ERG: variants seen among roughly 807,000 people sequenced by gnomAD.
The protein encoded by ERG is transcriptional regulator ERG.
A neutral mutation model predicts 55.3 loss-of-function variants in ERG; 9 were observed. That is an observed-to-expected ratio of 0.16 (90% confidence interval 0.10 to 0.28). The LOEUF is 0.28. Among genes scored for constraint, ERG ranks in the 10% least tolerant of loss-of-function variants. The pLI is 1.00. For missense variants in ERG, 434 were observed against 631.6 expected, an observed-to-expected ratio of 0.69 and a Z score of 3.35; for synonymous variants, 223 against 237.3, an observed-to-expected ratio of 0.94 and a Z score of 0.55.
Position 38,429,563 on chromosome 21 carries a change from A to G in ERG, c.237-6002T>C, listed in dbSNP as rs867060182. On this transcript the variant is annotated intron_variant, in intron 2 of 9. Transcript: ENST00000288319. ...TATACATATGTGTATATGTACATGTATACACATGTACATATATACATATGT... is the reference window on the plus strand; with the variant it reads ...TATACATATGTGTATATGTACATGTGTACACATGTACATATATACATATGT... Among the ~76,000 whole-genome samples, 311 of 111,690 alleles carry G rather than the reference A, an allele frequency of 2.8e-3. 111 individuals carry two copies. Among genetic ancestry groups the G allele is most frequent in the African/African-American group, 9.7e-3 (301 of 31,120 alleles). 73.3% of individuals were successfully genotyped at this position (111,690 alleles called of 152,430 possible).
At chr21:38,468,912 G>A (rs2059113903) in intron 1 of ERG, among the ~76,000 whole-genome samples, 1 of 149,472 alleles carries the variant, frequency 6.7e-6, no homozygotes, top group South Asian at 2.1e-4. Context: ...GTGAACCCGG[G>A]AGGCGGAGCT....
intron 3 of ERG, among the ~76,000 whole-genome samples, chr21:38,412,849 C>G (rs1989121701): frequency 6.6e-6 from 1 of 152,154 alleles, no homozygotes; most frequent in African/African-American, 2.4e-5. Context: ...GCAGAGTCAT[C>G]TTTAGCGGGT....
chr21:38,553,888 CAG>C (rs2059840857), intron 2 of ERG, among the ~76,000 whole-genome samples: 2 of 43,052 alleles, frequency 4.6e-5, no homozygotes, highest in African/African-American at 9.9e-5. Flanking sequence ...ATAGAGTATA[CAG>C]ACAATGTACA....
At chr21:38,469,446 G>A (rs1461447775) in intron 1 of ERG, among the ~76,000 whole-genome samples, 1 of 152,160 alleles carries the variant, frequency 6.6e-6, no homozygotes, top group African/African-American at 2.4e-5. Flanking sequence ...ACCATCACAT[G>A]GGCTGGGCTC....
At chr21:38,653,095 G>C (rs1208934146) in intron 1 of ERG, among the ~76,000 whole-genome samples, 1 of 152,052 alleles carries the variant, frequency 6.6e-6, no homozygotes, top group African/African-American at 2.4e-5. Context: ...CTCCTTTCTA[G>C]ACTCTGTGGT....
chr21:38,367,708 A>T, the ERG span: 2 of 489,742 alleles, frequency 4.1e-6, no homozygotes, highest in Non-Finnish European at 8.0e-6. Flanking sequence ...ATCATAGGCG[A>T]CCCATATTAG....
At chr21:38,462,734 C>T (rs1166017494) in intron 1 of ERG, among the ~76,000 whole-genome samples, 1 of 152,146 alleles carries the variant, frequency 6.6e-6, no homozygotes, top group Non-Finnish European at 1.5e-5. Flanking sequence ...TGCATCCTAA[C>T]TGACGAGTGC....
intron 1 of ERG, among the ~76,000 whole-genome samples, chr21:38,491,239 G>A (rs532750856): frequency 7.3e-5 from 11 of 150,674 alleles, no homozygotes; most frequent in South Asian, 2.1e-4. Flanking sequence ...AATAAAACCC[G>A]ATGAAACCCA....
intron 1 of ERG, among the ~76,000 whole-genome samples, chr21:38,646,107 T>C (rs768666985): frequency 6.6e-6 from 1 of 151,960 alleles, no homozygotes; most frequent in Non-Finnish European, 1.5e-5. Flanking sequence ...GACGAAACCC[T>C]GTCTCTACTA....
In ERG at chr21:38,594,275, T is replaced by A. The variant is rs868711378; in HGVS notation, c.-149-9330A>T. Among the ~76,000 whole-genome samples, 81 of 152,154 alleles carry A rather than the reference T, an allele frequency of 5.3e-4. 1 individual carries two copies. The highest frequency in any genetic ancestry group is 1.9e-3 in the African/African-American group (77 of 41,444). On this transcript the variant is annotated intron_variant, in intron 1 of 10. Coordinates refer to the ERG transcript ENST00000398910. ...TGGACACAATTGGGAAATAAAAATT[T>A]AAAAATCATCCTTCATATTTAAAAT... is the stretch of plus-strand genomic sequence containing the variant.
At chr21:38,464,279 A>C (rs1340006724) in intron 1 of ERG, among the ~76,000 whole-genome samples, 1 of 152,134 alleles carries the variant, frequency 6.6e-6, no homozygotes, top group East Asian at 1.9e-4. Flanking sequence ...CCTGGGGAAT[A>C]GGTCATATTT....
intron 2 of ERG, among the ~76,000 whole-genome samples, chr21:38,524,339 A>G (rs1183958752): frequency 6.6e-6 from 1 of 152,238 alleles, no homozygotes; most frequent in Non-Finnish European, 1.5e-5. Context: ...ACAAAGTGGC[A>G]GCAACTTGTT....
At chr21:38,410,459 T>C (rs1988991843) in intron 3 of ERG, among the ~76,000 whole-genome samples, 1 of 152,236 alleles carries the variant, frequency 6.6e-6, no homozygotes, top group Non-Finnish European at 1.5e-5. Flanking sequence ...ACATGGTTAT[T>C]ATGAAATCTA....
chr21:38,559,708 T>C (rs905337976), intron 2 of ERG, among the ~76,000 whole-genome samples: 2 of 151,948 alleles, frequency 1.3e-5, no homozygotes, highest in East Asian at 3.9e-4. Context: ...TGAGACAGAG[T>C]TTCGCTCTTG....
chr21:38,568,092 C>T (rs145388626), intron 2 of ERG, among the ~76,000 whole-genome samples: 84 of 141,238 alleles, frequency 5.9e-4, no homozygotes, highest in African/African-American at 1.9e-3. Context: ...TTAATTTTTT[C>T]CGTAAGATTT....
At chr21:38,628,296 C>T (rs962416786) in intron 1 of ERG, among the ~76,000 whole-genome samples, 2 of 152,094 alleles carry the variant, frequency 1.3e-5, no homozygotes, top group African/African-American at 4.8e-5. Context: ...TGTTTTTCTA[C>T]CCTGAATGCT....
chr21:38,369,862 T>A, the ERG span, among the ~76,000 whole-genome samples: 1 of 152,216 alleles, frequency 6.6e-6, no homozygotes, highest in South Asian at 2.1e-4. Flanking sequence ...CTAGCACCAT[T>A]TATTGAACAG....
chr21:38,621,266 G>A (rs1466742178), intron 1 of ERG, among the ~76,000 whole-genome samples: 1 of 152,168 alleles, frequency 6.6e-6, no homozygotes, highest in African/African-American at 2.4e-5. Flanking sequence ...CTTTCATGCA[G>A]CTCCACATGT....
Position 38,383,165 on chromosome 21 carries a change from G to A in ERG, c.*238C>T, listed in dbSNP as rs141858676. ...TTCTACATACACTGTCTTTTACAAGGTCAGTCCACAGATGATATGTCCATA... is the reference window on the plus strand; with the variant it reads ...TTCTACATACACTGTCTTTTACAAGATCAGTCCACAGATGATATGTCCATA... On this transcript the variant is annotated 3_prime_UTR_variant, in exon 10 of 10. Coordinates refer to ENST00000288319, the MANE Select transcript of ERG (RefSeq NM_182918.4). This position sits in a 1 kb window ranked among gnomAD's most constrained non-coding sequence, Gnocchi z 5.7. 8.1e-7 allele frequency: 1 copy of A among 1,227,648 alleles called. No individual in the cohort carries two copies. Among genetic ancestry groups the A allele is most frequent in the Non-Finnish European group, 1.0e-6 (1 of 983,168 alleles). The allele number at this position is 1,227,648 out of a possible 1,614,324, so 76.0% of individuals were successfully genotyped here.
Sources: gnomAD v4.1 joint callset for allele counts (sites outside exome capture counted in the v4.1 genomes callset) on GRCh38, gnomAD v4.1.1 for gene constraint, Gnocchi (gnomAD v3.1) non-coding constraint, MANE v1.5 for transcripts, NCBI Gene and HGNC (gene_info 2026-07-23, HGNC 2026-07-21) for gene names.